KLHDC2: variants seen among roughly 807,000 people sequenced by gnomAD.
The protein encoded by KLHDC2 is kelch domain-containing protein 2.
Under a neutral mutation model 62.3 loss-of-function variants are expected in KLHDC2, and 38 were observed. The ratio of observed to expected loss-of-function variants is 0.61; its 90% CI spans 0.47 to 0.80. The LOEUF (loss-of-function observed/expected upper bound fraction) is 0.80. Ranked by LOEUF, KLHDC2 falls within the 30% of genes least tolerant of loss-of-function variation. The pLI is 0.00. For missense variants in KLHDC2, 430 were observed against 495.3 expected, an observed-to-expected ratio of 0.87 and a Z score of 1.25; for synonymous variants, 159 against 161.0, an observed-to-expected ratio of 0.99 and a Z score of 0.09.
In KLHDC2 at chr14:49,785,875, CAG is replaced by C. The variant is rs1445442144; in HGVS notation, c.*2926_*2927del. 2 of 109,494 alleles carry C rather than the reference CAG, an allele frequency of 1.8e-5. No individual in the cohort carries two copies. Among genetic ancestry groups the C allele is most frequent in the African/African-American group, 7.4e-5 (2 of 27,042 alleles). 6.8% of individuals were successfully genotyped at this position (109,494 alleles called of 1,614,324 possible). ...CACTGGGTGACACCAGCCTGGGTGACAGAGACCCTGTCTCAAAAAAAAAAAAA... is the reference window on the plus strand; with the variant it reads ...CACTGGGTGACACCAGCCTGGGTGACAGACCCTGTCTCAAAAAAAAAAAAA... On this transcript the variant is annotated 3_prime_UTR_variant, in exon 13 of 13. Transcript: ENST00000298307.
chr14:49,782,460 A>G lies in KLHDC2; in HGVS notation c.1044+3A>G. On this transcript the variant is annotated splice_donor_region_variant and intron_variant, in intron 11 of 12. Coordinates refer to ENST00000298307, the MANE Select transcript of KLHDC2 (RefSeq NM_014315.3). The stretch of plus-strand genomic sequence containing the variant: ...ACTTGCTTGTCCATCACAGAGCTGT[A>G]AGTATACTACCTTCACATTATTACT... The G allele has an allele frequency of 6.2e-7, 1 of 1,608,678 alleles. No homozygotes were observed.
At position 49,782,533 on chromosome 14, in the gene KLHDC2, A is replaced by T. The variant is rs777951766; in HGVS notation, c.1045-9A>T. The stretch of plus-strand genomic sequence containing the variant: ...GCTTTTAAATGTGTTCTTCCTATTT[A>T]TTTTTCAGGCACACAGTAATGAAAT... On this transcript the variant is annotated splice_polypyrimidine_tract_variant and intron_variant, in intron 11 of 12. Transcript: ENST00000298307. The T allele has an allele frequency of 2.6e-5, 42 of 1,605,538 alleles. No homozygotes were observed. The highest frequency in any genetic ancestry group is 3.3e-5 in the Non-Finnish European group (39 of 1,174,504).
Position 49,782,823 on chromosome 14 carries a change from C to T in KLHDC2, c.1098-7C>T. The T allele has an allele frequency of 6.2e-7, 1 of 1,610,920 alleles. No individual in the cohort carries two copies. The highest frequency in any genetic ancestry group is 8.5e-7 in the Non-Finnish European group (1 of 1,179,060). ...AATTACTTTTCTCTTTCCTTGTCCA[C>T]TTTCAGGCTAAGCTTAGAAGCAGTC... On this transcript the variant is annotated splice_polypyrimidine_tract_variant and splice_region_variant and intron_variant, in intron 12 of 12. Coordinates refer to ENST00000298307, the MANE Select transcript of KLHDC2 (RefSeq NM_014315.3).
Position 49,779,764 on chromosome 14 carries a change from A to G in KLHDC2, c.731A>G (p.Asp244Gly). The part of the protein sequence containing the change: ...GGRYRDARMN[D>G]LHYLNLDTWE... ...CTTTTTTAGGATGCTAGAATGAATG[A>G]TCTTCACTATCTTAATCTGGATACA... Residue 244 changes from aspartate (D) to glycine (G), a missense_variant, in exon 8 of 13, where the codon GAT (aspartate) becomes GGT (glycine). Asp to Gly is a moderately conservative substitution (Grantham distance 94, BLOSUM62 -1). Transcript: ENST00000298307. 6.2e-7 allele frequency: 1 copy of G among 1,609,094 alleles called. No homozygotes were observed. The highest frequency in any genetic ancestry group is 8.5e-7 in the Non-Finnish European group (1 of 1,176,400).
At position 49,775,317 on chromosome 14, in the gene KLHDC2, G is replaced by C. The variant is rs115763064; in HGVS notation, c.351+639G>C. Among the ~76,000 whole-genome samples the C allele has an allele frequency of 7.6e-3, 1,150 of 152,268 alleles. 10 individuals carry two copies. Among genetic ancestry groups the C allele is most frequent in the African/African-American group, 0.026 (1,094 of 41,556 alleles). The stretch of plus-strand genomic sequence containing the variant: ...CAACTTAGTAAGCACTTTATGTGCT[G>C]AGCACTTGGCTGGACACTGGAGACA... On this transcript the variant is annotated intron_variant, in intron 3 of 12. Transcript: ENST00000298307.
chr14:49,774,372 G>C (rs1428686366), intron 2 of KLHDC2, among the ~76,000 whole-genome samples, 189 bp from the exon 3 acceptor site: 1 of 152,206 alleles, frequency 6.6e-6, no homozygotes, highest in African/African-American at 2.4e-5. Context: ...ACTGTTTGTG[G>C]AATGGGTAAA....
rs758382531 is a variant in KLHDC2, at chr14:49,768,585, C to G, written c.117C>G (p.Ser39Arg). 6.2e-7 allele frequency: 1 copy of G among 1,603,412 alleles called. No homozygotes were observed. The highest frequency in any genetic ancestry group is 8.5e-7 in the Non-Finnish European group (1 of 1,175,938). Residue 39 changes from serine (S) to arginine (R), a missense_variant, in exon 1 of 13, where the codon AGC becomes AGG. Coordinates refer to ENST00000298307, the MANE Select transcript of KLHDC2 (RefSeq NM_014315.3). Reference sequence around the variant, plus strand: ...AGCGCAGCGGCCACGTAGCCGTCAGCGACGGGCGCCACATGTTCGTCTGGG... The same window carrying G: ...AGCGCAGCGGCCACGTAGCCGTCAGGGACGGGCGCCACATGTTCGTCTGGG... ...PAERSGHVAV[S>R]DGRHMFVWGG...
intron 10 of KLHDC2, chr14:49,782,065 A>C (rs546684147): frequency 1.4e-5 from 4 of 289,582 alleles, no homozygotes; most frequent in East Asian, 6.0e-5. Flanking sequence ...TGGAAGAAGA[A>C]GGCATATACT....
In KLHDC2 at chr14:49,784,511, T is replaced by A; in HGVS notation, c.*1558T>A. Reference sequence around the variant, plus strand: ...ACAAGAAGTAAGTCCTTTTGGTGAATATAGCAAGGCAATGTTTAGTTCATT... The same window carrying A: ...ACAAGAAGTAAGTCCTTTTGGTGAAAATAGCAAGGCAATGTTTAGTTCATT... On this transcript the variant is annotated 3_prime_UTR_variant, in exon 13 of 13. Transcript: ENST00000298307. The A allele has an allele frequency of 1.5e-6, 1 of 654,502 alleles. No individual in the cohort carries two copies. Among genetic ancestry groups the A allele is most frequent in the South Asian group, 2.1e-5 (1 of 47,702 alleles). The allele number at this position is 654,502 out of a possible 1,614,324, so 40.5% of individuals were successfully genotyped here.
At chr14:49,779,725 A>G (rs777075230) in intron 7 of KLHDC2, 23 bp from the exon 8 acceptor site, 19 of 1,610,080 alleles carry the variant, frequency 1.2e-5, no homozygotes, top group East Asian at 2.2e-5. Flanking sequence ...CTTCAAAATG[A>G]TAACTTAATT....
intron 8 of KLHDC2, 52 bp from the exon 9 acceptor site, chr14:49,780,149 GAAAACTTAAAAA>G (rs907541945): frequency 2.0e-5 from 22 of 1,087,964 alleles, no homozygotes; most frequent in Non-Finnish European, 2.8e-5. Flanking sequence ...AATTTTAAAA[GAAAACTTAAAAA>G]TACAGTAGCT....
At chr14:49,780,429 GAAGGTTTGA>G (rs1889868272) in intron 9 of KLHDC2, 107 bp downstream of exon 9, 1 of 787,534 alleles carries the variant, frequency 1.3e-6, no homozygotes. Context: ...GGGTTGGTTG[GAAGGTTTGA>G]AATTAATTTT....
chr14:49,772,113 G>C (rs1889677383), intron 2 of KLHDC2, among the ~76,000 whole-genome samples: 1 of 152,026 alleles, frequency 6.6e-6, no homozygotes. Context: ...TTTAGCACCT[G>C]TTCTGTAGTT....
chr14:49,771,156 C>A (rs1346675936), intron 1 of KLHDC2, among the ~76,000 whole-genome samples: 1 of 152,024 alleles, frequency 6.6e-6, no homozygotes, highest in Non-Finnish European at 1.5e-5. Context: ...TGAGACCAGC[C>A]TGGCCAACAT....
rs1555343651 is a variant in KLHDC2 at position 49,782,406 on chromosome 14, A to AGTAATTGTTTTTGGTGGATGT, written c.995_1015dup (p.Val332_Cys338dup). ...CAGCTTGTGCCAGCGATGAAGGAGA[A>AGTAATTGTTTTTGGTGGATGT]GTAATTGTTTTTGGTGGATGTGCCA... is the stretch of plus-strand genomic sequence containing the variant. On this transcript the variant is annotated inframe_insertion, in exon 11 of 13. Coordinates refer to ENST00000298307, the MANE Select transcript of KLHDC2 (RefSeq NM_014315.3). 6.2e-7 allele frequency: 1 copy of AGTAATTGTTTTTGGTGGATGT among 1,612,612 alleles called. No homozygotes were observed. Among genetic ancestry groups the AGTAATTGTTTTTGGTGGATGT allele is most frequent in the Non-Finnish European group, 8.5e-7 (1 of 1,178,814 alleles).
chr14:49,780,853 C>T (rs1042493464), intron 10 of KLHDC2, 78 bp downstream of exon 10: 2 of 804,336 alleles, frequency 2.5e-6, no homozygotes, highest in Admixed American at 1.9e-5. Flanking sequence ...ATCCAGCATT[C>T]TTATTTATAA....
chr14:49,772,196 G>A (rs563013135), intron 2 of KLHDC2, among the ~76,000 whole-genome samples: 122 of 151,852 alleles, frequency 8.0e-4, no homozygotes, highest in African/African-American at 2.9e-3. Flanking sequence ...TAGATGTAGA[G>A]GCTTCAGATC....
In KLHDC2 at chr14:49,784,970, G is replaced by A. The variant is rs1038035420; in HGVS notation, c.*2017G>A. The A allele has an allele frequency of 3.7e-6, 6 of 1,613,734 alleles. No homozygotes were observed. The highest frequency in any genetic ancestry group is 1.7e-5 in the Admixed American group (1 of 59,988). On this transcript the variant is annotated 3_prime_UTR_variant, in exon 13 of 13. Transcript: ENST00000298307. ...CTTTTTCTCTTGCTGTTGCTTCTTTGGAATGCATGAAACTATTCAAGGCTG... is the reference window on the plus strand; with the variant it reads ...CTTTTTCTCTTGCTGTTGCTTCTTTAGAATGCATGAAACTATTCAAGGCTG...
intron 3 of KLHDC2, among the ~76,000 whole-genome samples, chr14:49,777,243 AGG>A (rs950388003): frequency 0.22 from 237 of 1,072 alleles, 2 homozygotes; most frequent in Non-Finnish European, 0.48. Context: ...TTGGGGACTC[AGG>A]GGTAAAGGGT....
Sources: allele counts gnomAD v4.1 joint callset (sites outside exome capture counted in the v4.1 genomes callset), GRCh38; gene constraint gnomAD v4.1.1; transcripts MANE v1.5; gene names NCBI Gene and HGNC (gene_info 2026-07-23, HGNC 2026-07-21).